TRIP12: variants seen among roughly 807,000 people sequenced by gnomAD.
TRIP12 encodes thyroid hormone receptor interactor 12.
Under a neutral mutation model 244.2 loss-of-function variants are expected in TRIP12, and 25 were observed. That is an observed-to-expected ratio of 0.10 (90% CI 0.07 to 0.14). The LOEUF is 0.14. Ranked by LOEUF, TRIP12 falls within the 10% of genes least tolerant of loss-of-function variation. TRIP12 has a pLI of 1.00. For missense variants in TRIP12, 1,677 were observed against 2,486.4 expected, an observed-to-expected ratio of 0.67 and a Z score of 6.92; for synonymous variants, 905 against 873.1, an observed-to-expected ratio of 1.04 and a Z score of -0.64.
At position 229,778,816 on chromosome 2, in the gene TRIP12, G is replaced by T; in HGVS notation, c.5209+60C>A. On this transcript the variant is annotated intron_variant, in intron 35 of 41. Transcript: ENST00000675903. The surrounding 1 kb of genome is among the most constrained non-coding windows in gnomAD (Gnocchi z 4.1). ...AGAAATTAAATATGTCTAATAAACT[G>T]TCAGAGTCCATTACCTGATCTGAGT... The T allele has an allele frequency of 6.8e-7, 1 of 1,472,956 alleles. No homozygotes were observed. The highest frequency in any genetic ancestry group is 9.5e-7 in the Non-Finnish European group (1 of 1,056,742). 91.2% of individuals were successfully genotyped at this position (1,472,956 alleles called of 1,614,324 possible). A position where few individuals can be genotyped will look rare whatever the true frequency, so the allele number is the denominator to read the frequency against.
intron 2 of TRIP12, among the ~76,000 whole-genome samples, chr2:229,872,619 C>T (rs2062866363): frequency 1.3e-5 from 2 of 152,088 alleles, no homozygotes; most frequent in African/African-American, 4.8e-5. Context: ...CAGCAAGTCA[C>T]ATTACGGTAT....
chr2:229,897,581 AG>A (rs1210334919), intron 1 of TRIP12, among the ~76,000 whole-genome samples: 4 of 152,238 alleles, frequency 2.6e-5, no homozygotes, highest in Admixed American at 1.3e-4. Flanking sequence ...CAGGAGGCGG[AG>A]GTTGCAGTCA....
At chr2:229,869,468 TCAG>T (rs1324242699) in intron 2 of TRIP12, among the ~76,000 whole-genome samples, 2 of 152,212 alleles carry the variant, frequency 1.3e-5, no homozygotes, top group African/African-American at 4.8e-5. Flanking sequence ...AACTGTTGCT[TCAG>T]CCTCAGAGCC....
intron 1 of TRIP12, among the ~76,000 whole-genome samples, chr2:229,909,797 T>C (rs893570046): frequency 3.9e-5 from 6 of 152,082 alleles, no homozygotes; most frequent in Non-Finnish European, 7.3e-5. Context: ...AAGGCTATGG[T>C]GAGACATGAT....
chr2:229,785,014 G>C (rs1045550270), intron 34 of TRIP12, among the ~76,000 whole-genome samples: 1 of 152,198 alleles, frequency 6.6e-6, no homozygotes, highest in Non-Finnish European at 1.5e-5. Flanking sequence ...TCAAAAACTG[G>C]AAACAACCCA....
intron 2 of TRIP12, among the ~76,000 whole-genome samples, chr2:229,864,170 C>T (rs2061089167): frequency 6.6e-6 from 1 of 151,844 alleles, no homozygotes; most frequent in Non-Finnish European, 1.5e-5. Context: ...CAAAATTATC[C>T]ACTAAAAATA....
intron 4 of TRIP12, among the ~76,000 whole-genome samples, chr2:229,845,214 C>CT (rs2057326876): frequency 6.6e-6 from 1 of 152,204 alleles, no homozygotes; most frequent in African/African-American, 2.4e-5. Context: ...GCTAGGCATT[C>CT]TCTTGGCTTT....
intron 2 of TRIP12, among the ~76,000 whole-genome samples, chr2:229,871,905 A>C (rs2062668948): frequency 6.6e-6 from 1 of 152,026 alleles, no homozygotes; most frequent in Admixed American, 6.6e-5. Flanking sequence ...CCTAGCTAGT[A>C]CTAACTAGTA....
intron 15 of TRIP12, among the ~76,000 whole-genome samples, chr2:229,808,806 T>C (rs551320620): frequency 2.6e-5 from 4 of 152,264 alleles, no homozygotes; most frequent in Admixed American, 2.0e-4. Context: ...CTGAATCTTA[T>C]TGTATTGTGA....
Position 229,802,472 on chromosome 2 carries a change from AGAGAT to A in TRIP12, c.2999-18_2999-14del. 6.2e-7 allele frequency: 1 copy of A among 1,600,190 alleles called. No homozygotes were observed. The highest frequency in any genetic ancestry group is 8.5e-7 in the Non-Finnish European group (1 of 1,170,108). ...TGATGCATTACACCTTTATAATAAC[AGAGAT>A]GAAAGGGAGTCAGTTTTAATCAGGA... On this transcript the variant is annotated splice_polypyrimidine_tract_variant and intron_variant, in intron 20 of 41. Coordinates refer to ENST00000675903, the MANE Select transcript of TRIP12 (RefSeq NM_001348323.3).
At chr2:229,838,570 G>A (rs996721191) in intron 5 of TRIP12, among the ~76,000 whole-genome samples, 33 of 152,294 alleles carry the variant, frequency 2.2e-4, no homozygotes, top group African/African-American at 7.9e-4. Flanking sequence ...GCAGAGAACA[G>A]CAGGGCAAGC....
At chr2:229,913,566 C>T (rs2074754259) in intron 1 of TRIP12, among the ~76,000 whole-genome samples, 1 of 152,160 alleles carries the variant, frequency 6.6e-6, no homozygotes, top group Admixed American at 6.5e-5. Flanking sequence ...CTTAACAATT[C>T]CTTAAGTAGC....
chr2:229,790,540 A>AGGGGGG (rs71396611), intron 30 of TRIP12, among the ~76,000 whole-genome samples: 11 of 101,258 alleles, frequency 1.1e-4, no homozygotes, highest in Admixed American at 3.0e-4. Context: ...GAGCAGGGGG[A>AGGGGGG]GGGGGGGGTG....
At chr2:229,884,671 C>T (rs978340842) in intron 1 of TRIP12, among the ~76,000 whole-genome samples, 1 of 152,122 alleles carries the variant, frequency 6.6e-6, no homozygotes, top group African/African-American at 2.4e-5. Flanking sequence ...AAAGAAATCA[C>T]CTGCAAAAAA....
Position 229,829,120 on chromosome 2 carries a change from T to G in TRIP12, c.1450+73A>C, listed in dbSNP as rs1156631670. The G allele has an allele frequency of 2.9e-6, 4 of 1,395,952 alleles. No homozygotes were observed. The African/African-American group carries it at 5.7e-5, about 20-fold the overall frequency. 86.5% of individuals were successfully genotyped at this position (1,395,952 alleles called of 1,614,324 possible). The stretch of plus-strand genomic sequence containing the variant: ...GATGAAAAACTTCTTAATACTTACA[T>G]CAATAGGTTACAAGTAACAATAGCA... On this transcript the variant is annotated intron_variant, in intron 8 of 41. Coordinates refer to ENST00000675903, the MANE Select transcript of TRIP12 (RefSeq NM_001348323.3).
At chr2:229,885,033 C>T (rs770375074) in intron 1 of TRIP12, among the ~76,000 whole-genome samples, 1 of 152,118 alleles carries the variant, frequency 6.6e-6, no homozygotes, top group Non-Finnish European at 1.5e-5. Flanking sequence ...CAACAACTGA[C>T]CAGAAATACA....
chr2:229,879,359 G>T (rs995793640), intron 2 of TRIP12, among the ~76,000 whole-genome samples: 3 of 152,192 alleles, frequency 2.0e-5, no homozygotes, highest in African/African-American at 7.2e-5. Context: ...TTTTTTACAT[G>T]AAGTGACAGT....
At chr2:229,899,497 G>C (rs1199281426) in intron 1 of TRIP12, among the ~76,000 whole-genome samples, 2 of 152,188 alleles carry the variant, frequency 1.3e-5, no homozygotes, top group Non-Finnish European at 2.9e-5. Flanking sequence ...GAAGTGAGGT[G>C]TGCAGATAGC....
intron 29 of TRIP12, among the ~76,000 whole-genome samples, chr2:229,791,632 A>G (rs927708708): frequency 6.6e-6 from 1 of 152,250 alleles, no homozygotes; most frequent in Non-Finnish European, 1.5e-5. Context: ...CTAGAAAAGC[A>G]GATGTAAACC....
Sources: gnomAD v4.1 joint callset for allele counts (sites outside exome capture counted in the v4.1 genomes callset) on GRCh38, gnomAD v4.1.1 for gene constraint, Gnocchi (gnomAD v3.1) non-coding constraint, MANE v1.5 for transcripts, NCBI Gene and HGNC (gene_info 2026-07-23, HGNC 2026-07-21) for gene names.